GTF2H1: variants seen among roughly 807,000 people sequenced by gnomAD.
GTF2H1 encodes the protein general transcription factor IIH subunit 1.
Under a neutral mutation model 71.2 loss-of-function variants are expected in GTF2H1, and 16 were observed. The observed-to-expected ratio is 0.22, with a 90% CI of 0.15 to 0.34. The LOEUF is 0.34. Ranked by LOEUF, GTF2H1 falls within the 10% of genes least tolerant of loss-of-function variation. GTF2H1 has a pLI of 1.00. For synonymous variants in GTF2H1, 215 were observed against 219.0 expected, an observed-to-expected ratio of 0.98 and a Z score of 0.16; for missense variants, 498 against 648.2, an observed-to-expected ratio of 0.77 and a Z score of 2.52.
intron 14 of GTF2H1, among the ~76,000 whole-genome samples, chr11:18,361,425 G>A (rs1190831638): frequency 1.3e-5 from 2 of 152,088 alleles, no homozygotes; most frequent in Admixed American, 1.3e-4. Flanking sequence ...CCAGCACATT[G>A]AGAGGCCAAG....
intron 1 of GTF2H1, chr11:18,332,779 G>T: frequency 4.8e-6 from 1 of 209,848 alleles, no homozygotes; most frequent in East Asian, 1.1e-4. Flanking sequence ...AATTGTGTGT[G>T]TATAAGAATA....
intron 1 of GTF2H1, among the ~76,000 whole-genome samples, chr11:18,326,333 C>G (rs548367042): frequency 3.3e-5 from 5 of 151,912 alleles, no homozygotes; most frequent in Non-Finnish European, 7.4e-5. Context: ...ACCAGCCTGG[C>G]CAACATGGCG....
At chr11:18,328,055 A>C (rs1290376088) in intron 1 of GTF2H1, among the ~76,000 whole-genome samples, 1 of 152,114 alleles carries the variant, frequency 6.6e-6, no homozygotes, top group East Asian at 1.9e-4. Flanking sequence ...TACAAAAATT[A>C]GCCAGCCATG....
At chr11:18,363,197 C>T (rs762104973) in intron 14 of GTF2H1, among the ~76,000 whole-genome samples, 5 of 152,026 alleles carry the variant, frequency 3.3e-5, no homozygotes, top group East Asian at 3.9e-4. Flanking sequence ...GACCTGCGTA[C>T]GGCTATTTTA....
intron 1 of GTF2H1, among the ~76,000 whole-genome samples, chr11:18,328,505 T>C (rs1590179804): frequency 6.3e-5 from 7 of 110,712 alleles, no homozygotes; most frequent in African/African-American, 1.1e-4. Flanking sequence ...AGAGCAAGAC[T>C]CCATCTCAAA....
chr11:18,365,070 T>TA (rs372254821), intron 14 of GTF2H1, among the ~76,000 whole-genome samples: 21,410 of 110,980 alleles, frequency 0.19, 2,476 homozygotes, highest in East Asian at 0.41. Flanking sequence ...TCTCCACTAT[T>TA]TAAAAAAGAA....
chr11:18,340,844 C>G (rs1865141796), intron 5 of GTF2H1, among the ~76,000 whole-genome samples: 2 of 152,124 alleles, frequency 1.3e-5, no homozygotes, highest in Admixed American at 1.3e-4. Context: ...CTGTTGAACT[C>G]TATGCTTGCT....
In GTF2H1 at chr11:18,339,674, C is replaced by G. The variant is rs1301378265; in HGVS notation, c.607+17C>G. 5 of 1,365,200 alleles carry G rather than the reference C, an allele frequency of 3.7e-6. No homozygotes were observed. Among genetic ancestry groups the G allele is most frequent in the Non-Finnish European group, 5.2e-6 (5 of 956,514 alleles). The allele number at this position is 1,365,200 out of a possible 1,614,324, so 84.6% of individuals were successfully genotyped here. A position where few individuals can be genotyped will look rare whatever the true frequency, so the allele number is the denominator to read the frequency against. ...ATCCAGCAGGTAAGAAGAATCAGTTCTTTCAGATGGTTAAAATATATGGAT... is the reference window on the plus strand; with the variant it reads ...ATCCAGCAGGTAAGAAGAATCAGTTGTTTCAGATGGTTAAAATATATGGAT... On this transcript the variant is annotated intron_variant, in intron 5 of 14. Coordinates refer to ENST00000265963, the MANE Select transcript of GTF2H1 (RefSeq NM_005316.4).
chr11:18,347,769 G>C, intron 8 of GTF2H1, 54 bp downstream of exon 8: 1 of 1,598,312 alleles, frequency 6.3e-7, no homozygotes, highest in Non-Finnish European at 8.5e-7. Flanking sequence ...TATCCAGATG[G>C]AGTTGTGGTG....
intron 7 of GTF2H1, among the ~76,000 whole-genome samples, chr11:18,344,182 C>T (rs941284618): frequency 1.4e-5 from 2 of 141,632 alleles, no homozygotes; most frequent in African/African-American, 5.2e-5. Flanking sequence ...GTACAATACA[C>T]CTCTCATCTG....
chr11:18,331,654 G>A (rs1439282616), intron 1 of GTF2H1, among the ~76,000 whole-genome samples: 4 of 151,170 alleles, frequency 2.6e-5, no homozygotes, highest in Admixed American at 6.6e-5. Context: ...CAACAAAAGT[G>A]AAACTCCGTC....
At chr11:18,339,249 G>A (rs1018344586) in intron 4 of GTF2H1, among the ~76,000 whole-genome samples, 1 of 152,172 alleles carries the variant, frequency 6.6e-6, no homozygotes, top group African/African-American at 2.4e-5. Flanking sequence ...TACTAACCAA[G>A]GTTTGTAGTG....
chr11:18,345,939 C>T (rs574360087), intron 7 of GTF2H1, among the ~76,000 whole-genome samples: 1 of 151,980 alleles, frequency 6.6e-6, no homozygotes, highest in East Asian at 1.9e-4. Context: ...TACAGGCGTC[C>T]GCCACCTCGC....
chr11:18,355,385 C>T (rs1248933362), intron 11 of GTF2H1, among the ~76,000 whole-genome samples: 2 of 152,040 alleles, frequency 1.3e-5, no homozygotes, highest in East Asian at 3.9e-4. Flanking sequence ...CCTCGTGATC[C>T]ACCCGCCTCA....
chr11:18,365,986 G>T lies in GTF2H1; in HGVS notation c.*117G>T, dbSNP rs1260845637. 1 of 682,708 alleles carries T rather than the reference G, an allele frequency of 1.5e-6. No individual in the cohort carries two copies. Among genetic ancestry groups the T allele is most frequent in the African/African-American group, 1.8e-5 (1 of 56,040 alleles). The allele number at this position is 682,708 out of a possible 1,614,324, so 42.3% of individuals were successfully genotyped here. On this transcript the variant is annotated 3_prime_UTR_variant, in exon 15 of 15. Transcript: ENST00000265963. ...CTCACAGGAGTGATAAGAAACATCT[G>T]CTCCACGCCAACTCCCAGAGCTGAT...
At position 18,366,013 on chromosome 11, in the gene GTF2H1, C is replaced by G; in HGVS notation, c.*144C>G. ...TCCACGCCAACTCCCAGAGCTGATG[C>G]TATTGTACTTGCACATTGGAGACTG... On this transcript the variant is annotated 3_prime_UTR_variant, in exon 15 of 15. Coordinates refer to ENST00000265963, the MANE Select transcript of GTF2H1 (RefSeq NM_005316.4). 2 of 624,120 alleles carry G rather than the reference C, an allele frequency of 3.2e-6. No individual in the cohort carries two copies. Among genetic ancestry groups the G allele is most frequent in the Non-Finnish European group, 2.9e-6 (1 of 348,992 alleles). The allele number at this position is 624,120 out of a possible 1,614,324, so 38.7% of individuals were successfully genotyped here. A position where few individuals can be genotyped will look rare whatever the true frequency, so the allele number is the denominator to read the frequency against.
intron 13 of GTF2H1, among the ~76,000 whole-genome samples, chr11:18,359,408 A>G (rs965633680): frequency 2.0e-5 from 3 of 152,116 alleles, no homozygotes; most frequent in African/African-American, 7.2e-5. Context: ...TTAAAAGAAT[A>G]TTTTTTTCAC....
intron 9 of GTF2H1, among the ~76,000 whole-genome samples, chr11:18,351,196 GT>G (rs1283015682): frequency 2.6e-5 from 4 of 151,690 alleles, no homozygotes. Flanking sequence ...AGGAGACTGA[GT>G]TTGGCTGGGG....
chr11:18,351,384 C>T (rs1307065950), intron 9 of GTF2H1, among the ~76,000 whole-genome samples: 2 of 150,762 alleles, frequency 1.3e-5, no homozygotes, highest in East Asian at 1.9e-4. Flanking sequence ...CGGGTTCAAG[C>T]GATTCTCCTG....
Sources: gnomAD v4.1 joint callset for allele counts (sites outside exome capture counted in the v4.1 genomes callset) on GRCh38, gnomAD v4.1.1 for gene constraint, MANE v1.5 for transcripts, NCBI Gene and HGNC (gene_info 2026-07-23, HGNC 2026-07-21) for gene names.